The following NRG3 variants were observed in gnomAD, a reference collection of about 807,000 sequenced individuals.
NRG3 encodes the protein pro-neuregulin-3, membrane-bound isoform.
In NRG3, 31 loss-of-function variants were observed where a neutral mutation model predicts 66.9. The observed-to-expected ratio is 0.46, with a 90% confidence interval of 0.35 to 0.63. The LOEUF (loss-of-function observed/expected upper bound fraction) is 0.63. Among genes scored for constraint, NRG3 ranks in the 20% least tolerant of loss-of-function variants. NRG3 has a pLI of 0.00. For missense variants in NRG3, 910 were observed against 878.9 expected (o/e 1.04, Z -0.45); for synonymous variants, 393 against 359.4 (o/e 1.09, Z -1.06).
intron 1 of NRG3, among the ~76,000 whole-genome samples, chr10:81,969,937 A>G (rs959706388): frequency 6.6e-6 from 1 of 151,856 alleles, no homozygotes; most frequent in African/African-American, 2.4e-5. Flanking sequence ...ATTTTTTTTT[A>G]GCTGTCTATC....
At chr10:82,685,900 A>G (rs932968923) in intron 2 of NRG3, among the ~76,000 whole-genome samples, 1 of 152,170 alleles carries the variant, frequency 6.6e-6, no homozygotes, top group African/African-American at 2.4e-5. Context: ...ATCCTCTACT[A>G]CATCTTGTTC....
intron 3 of NRG3, among the ~76,000 whole-genome samples, chr10:82,849,793 G>A (rs1329885765): frequency 6.6e-6 from 1 of 152,148 alleles, no homozygotes; most frequent in East Asian, 1.9e-4. Flanking sequence ...GGAAAGGTAG[G>A]AGGAGTGTGG....
At chr10:82,152,408 G>A (rs142133698) in intron 1 of NRG3, among the ~76,000 whole-genome samples, 1 of 152,102 alleles carries the variant, frequency 6.6e-6, no homozygotes, top group South Asian at 2.1e-4. Flanking sequence ...TTTGTATCTC[G>A]AGGACCAGAG....
chr10:82,930,642 T>G (rs143363195), intron 4 of NRG3, among the ~76,000 whole-genome samples: 1 of 152,218 alleles, frequency 6.6e-6, no homozygotes, highest in Admixed American at 6.5e-5. Context: ...ATTTATGTTA[T>G]ATAGTTTTTT....
chr10:82,190,351 C>G (rs2074066115), intron 1 of NRG3, among the ~76,000 whole-genome samples: 1 of 151,914 alleles, frequency 6.6e-6, no homozygotes, highest in South Asian at 2.1e-4. Context: ...TTTATTTTAA[C>G]AAATAAAGTT....
chr10:82,189,992 CAG>C (rs1459370831), intron 1 of NRG3, among the ~76,000 whole-genome samples: 3 of 151,240 alleles, frequency 2.0e-5, no homozygotes, highest in Admixed American at 6.6e-5. Flanking sequence ...ACAAAAAAAA[CAG>C]AGAAATTTTG....
intron 4 of NRG3, among the ~76,000 whole-genome samples, chr10:82,921,195 G>A (rs1846388730): frequency 6.6e-6 from 1 of 152,046 alleles, no homozygotes; most frequent in Non-Finnish European, 1.5e-5. Flanking sequence ...TTTTCTCTCA[G>A]AAATAAATTA....
chr10:81,980,437 A>C (rs2060292800), intron 1 of NRG3, among the ~76,000 whole-genome samples: 1 of 152,212 alleles, frequency 6.6e-6, no homozygotes, highest in Non-Finnish European at 1.5e-5. Flanking sequence ...TTATAAACTG[A>C]ACAAATAAAA....
intron 2 of NRG3, among the ~76,000 whole-genome samples, chr10:82,454,969 G>C (rs912358458): frequency 2.0e-5 from 3 of 152,130 alleles, no homozygotes; most frequent in Non-Finnish European, 4.4e-5. Flanking sequence ...TTATAATGAG[G>C]AAATTGACAG....
intron 1 of NRG3, among the ~76,000 whole-genome samples, chr10:82,167,918 G>A (rs1040229065): frequency 1.3e-5 from 2 of 151,534 alleles, no homozygotes; most frequent in Non-Finnish European, 2.9e-5. Context: ...TTTTGAAGGG[G>A]GAAAGCGTGA....
At chr10:82,299,549 G>GGT (rs1554878347) in intron 1 of NRG3, among the ~76,000 whole-genome samples, 2 of 147,560 alleles carry the variant, frequency 1.4e-5, no homozygotes, top group East Asian at 4.0e-4. Flanking sequence ...ATCCAGCCCT[G>GGT]TTTTTTTTTT....
chr10:82,392,898 A>ATATTTTT (rs781243048), intron 2 of NRG3, among the ~76,000 whole-genome samples: 1 of 150,128 alleles, frequency 6.7e-6, no homozygotes, highest in African/African-American at 2.5e-5. Context: ...ATATATATAT[A>ATATTTTT]TTTTTTGCAG....
intron 1 of NRG3, among the ~76,000 whole-genome samples, chr10:82,098,211 T>C (rs1449062122): frequency 6.6e-6 from 1 of 151,758 alleles, no homozygotes; most frequent in Non-Finnish European, 1.5e-5. Flanking sequence ...ATACTGGCTT[T>C]TGGGTGAACA....
At chr10:82,743,714 GA>G (rs890594045) in intron 3 of NRG3, among the ~76,000 whole-genome samples, 10 of 151,104 alleles carry the variant, frequency 6.6e-5, no homozygotes, top group South Asian at 4.2e-4. Flanking sequence ...CACAGTGAAG[GA>G]AAAAAAAATT....
intron 1 of NRG3, among the ~76,000 whole-genome samples, chr10:82,160,109 G>A (rs1312581172): frequency 1.3e-5 from 2 of 151,880 alleles, no homozygotes; most frequent in African/African-American, 4.8e-5. Flanking sequence ...TACCACTATG[G>A]TTGACAAGTG....
rs1456980880 is a variant in NRG3, at chr10:82,784,252, A to G, written c.1027+45602A>G. Among the ~76,000 whole-genome samples the G allele has an allele frequency of 4.7e-4, 72 of 152,008 alleles. No homozygotes were observed. In the East Asian group the frequency reaches 0.013, roughly 28 times the overall value. On this transcript the variant is annotated intron_variant, in intron 3 of 8. Coordinates refer to ENST00000372141, the MANE Select transcript of NRG3 (RefSeq NM_001010848.4). ...AAACGTTAGACCTAAAACCATAAAA[A>G]CCCTAGAAGAAAACCTAGGCATTAC... is the stretch of plus-strand genomic sequence containing the variant.
intron 3 of NRG3, among the ~76,000 whole-genome samples, chr10:82,802,579 A>G (rs922323354): frequency 1.1e-4 from 17 of 152,222 alleles, no homozygotes; most frequent in Non-Finnish European, 2.2e-4. Flanking sequence ...TTGTGTCTAC[A>G]TAAAATATCA....
rs200952342 is a variant in NRG3, at chr10:81,959,463, G to GA, written c.823+83310dup. Among the ~76,000 whole-genome samples the GA allele has an allele frequency of 7.3e-4, 109 of 148,976 alleles. 1 individual carries two copies. The highest frequency in any genetic ancestry group is 3.5e-3 in the Middle Eastern group (1 of 282). ...GTGCTCATATATGAGATTCTCTTCA[G>GA]AAAAAAAAAATCTATACTATATTTG... On this transcript the variant is annotated intron_variant, in intron 1 of 8. Coordinates refer to ENST00000372141, the MANE Select transcript of NRG3 (RefSeq NM_001010848.4).
intron 1 of NRG3, among the ~76,000 whole-genome samples, chr10:82,095,505 A>G (rs1380823072): frequency 1.3e-5 from 2 of 152,202 alleles, no homozygotes; most frequent in African/African-American, 2.4e-5. Flanking sequence ...GATCAGGGAA[A>G]CAGAGACAAG....
Sources: gnomAD v4.1 joint callset for allele counts (sites outside exome capture counted in the v4.1 genomes callset) on GRCh38, gnomAD v4.1.1 for gene constraint, MANE v1.5 for transcripts, NCBI Gene and HGNC (gene_info 2026-07-23, HGNC 2026-07-21) for gene names.